Variants in ASB3 observed in about 807,000 individuals in gnomAD.
ASB3 encodes ankyrin repeat and SOCS box protein 3.
In ASB3, 41 loss-of-function variants were observed where a neutral mutation model predicts 54.5. The observed-to-expected ratio is 0.75, with a 90% CI of 0.59 to 0.98. The LOEUF (loss-of-function observed/expected upper bound fraction) is 0.98. Ranked by LOEUF, ASB3 falls within the 50% of genes least tolerant of loss-of-function variation. The probability of loss-of-function intolerance (pLI) is 0.00; values close to 1 mark genes in which losing one functional copy is unlikely to be tolerated. For synonymous variants in ASB3, 266 were observed against 221.2 expected, an observed-to-expected ratio of 1.20 and a Z score of -1.80; for missense variants, 733 against 620.0, an observed-to-expected ratio of 1.18 and a Z score of -1.94.
At chr2:53,785,049 C>A (rs1007999832) in intron 1 of ASB3, among the ~76,000 whole-genome samples, 6 of 152,248 alleles carry the variant, frequency 3.9e-5, no homozygotes, top group Non-Finnish European at 7.3e-5. Context: ...TTCTTTCTAT[C>A]ACTCCAACAC....
At chr2:53,717,504 CAAT>C (rs775403854) in intron 5 of ASB3, among the ~76,000 whole-genome samples, 12 of 151,510 alleles carry the variant, frequency 7.9e-5, no homozygotes, top group Non-Finnish European at 1.6e-4. Flanking sequence ...AAGGGAAAAA[CAAT>C]AATATTATAG....
chr2:53,722,294 AAGG>A (rs1253049975), intron 5 of ASB3, among the ~76,000 whole-genome samples: 2 of 152,128 alleles, frequency 1.3e-5, no homozygotes, highest in African/African-American at 4.8e-5. Flanking sequence ...CCCAAAAATC[AAGG>A]AGGAGAGACT....
intron 5 of ASB3, among the ~76,000 whole-genome samples, chr2:53,717,658 G>A (rs914126083): frequency 2.6e-5 from 4 of 152,116 alleles, no homozygotes; most frequent in Admixed American, 6.6e-5. Context: ...ACCACTGAAG[G>A]ATCACAGTCG....
intron 1 of ASB3, among the ~76,000 whole-genome samples, chr2:53,783,773 G>A (rs529063115): frequency 3.0e-4 from 46 of 152,262 alleles, no homozygotes; most frequent in Non-Finnish European, 5.4e-4. Flanking sequence ...GCAAGGTAAA[G>A]GCATTTTCAG....
At position 53,686,769 on chromosome 2, in the gene ASB3, T is replaced by G. The variant is rs1406422515; in HGVS notation, c.1369+7115A>C. ...TTCATTCTTGTTGCCCGGGCTGGAG[T>G]GCAATGGCACAATCTCGGCTCACTG... On this transcript the variant is annotated intron_variant, in intron 9 of 9. Transcript: ENST00000263634. Among the ~76,000 whole-genome samples, 3 of 152,102 alleles carry G rather than the reference T, an allele frequency of 2.0e-5. No homozygotes were observed. In the East Asian group the frequency reaches 5.8e-4, roughly 29 times the overall value.
intron 1 of ASB3, among the ~76,000 whole-genome samples, chr2:53,780,791 A>T (rs1674602146): frequency 6.6e-6 from 1 of 152,186 alleles, no homozygotes; most frequent in African/African-American, 2.4e-5. Flanking sequence ...AACTAATAAC[A>T]AATAAATAAA....
chr2:53,716,308 T>C (rs574420216), intron 6 of ASB3, among the ~76,000 whole-genome samples: 5 of 151,904 alleles, frequency 3.3e-5, no homozygotes, highest in Admixed American at 1.3e-4. Context: ...GAGAAATCAA[T>C]GGGAAGAGTC....
intron 9 of ASB3, among the ~76,000 whole-genome samples, chr2:53,690,258 T>A (rs1377868763): frequency 3.3e-5 from 5 of 151,806 alleles, no homozygotes; most frequent in African/African-American, 1.2e-4. Flanking sequence ...AATAAATTAA[T>A]TAATTAATTA....
At chr2:53,771,954 A>T (rs1175650356) in intron 1 of ASB3, 1 of 1,442,530 alleles carries the variant, frequency 6.9e-7, no homozygotes, top group East Asian at 2.4e-5. Context: ...TATGGTATAA[A>T]TATTCTTTTT....
At chr2:53,744,481 C>G (rs1399437487) in intron 3 of ASB3, among the ~76,000 whole-genome samples, 1 of 151,440 alleles carries the variant, frequency 6.6e-6, no homozygotes, top group Non-Finnish European at 1.5e-5. Context: ...AAAAGTAAAA[C>G]CAGAACATGA....
rs567187314 is a variant in ASB3, at chr2:53,691,116, T to C, written c.1369+2768A>G. Among the ~76,000 whole-genome samples the C allele has an allele frequency of 2.9e-4, 44 of 152,330 alleles. 1 individual carries two copies. The South Asian group carries it at 3.9e-3, about 14-fold the overall frequency. On this transcript the variant is annotated intron_variant, in intron 9 of 9. Transcript: ENST00000263634. ...GAAACTGCAACCACTCACTAAATTTTACCTGGTATACATTTCCTTTCTGAT... is the reference window on the plus strand; with the variant it reads ...GAAACTGCAACCACTCACTAAATTTCACCTGGTATACATTTCCTTTCTGAT...
chr2:53,691,767 C>G lies in ASB3; in HGVS notation c.1369+2117G>C, dbSNP rs1474829655. Among the ~76,000 whole-genome samples the G allele has an allele frequency of 2.6e-5, 4 of 152,118 alleles. No homozygotes were observed. In the East Asian group the frequency reaches 7.7e-4, roughly 29 times the overall value. ...AGAGAGTCACAATCCCATCTGAAAG[C>G]CAGGCAACTAAGTTTTTCTCCCAGT... On this transcript the variant is annotated intron_variant, in intron 9 of 9. Transcript: ENST00000263634.
chr2:53,693,875 C>A lies in ASB3; in HGVS notation c.1369+9G>T. ...TAGTGAAGTGTGTTTAAAAGTTATTCTTTCTTACCAATATGTTGCTGTAGA... is the reference window on the plus strand; with the variant it reads ...TAGTGAAGTGTGTTTAAAAGTTATTATTTCTTACCAATATGTTGCTGTAGA... On this transcript the variant is annotated intron_variant, in intron 9 of 9. Transcript: ENST00000263634. The A allele has an allele frequency of 9.9e-6, 16 of 1,611,904 alleles. No individual in the cohort carries two copies. The highest frequency in any genetic ancestry group is 1.4e-5 in the Non-Finnish European group (16 of 1,178,808).
At chr2:53,752,306 G>C (rs982705032) in intron 2 of ASB3, among the ~76,000 whole-genome samples, 1 of 152,128 alleles carries the variant, frequency 6.6e-6, no homozygotes, top group Non-Finnish European at 1.5e-5. Context: ...GTCACCACCA[G>C]GACAAATTAG....
At chr2:53,721,736 C>G (rs1321998501) in intron 5 of ASB3, among the ~76,000 whole-genome samples, 1 of 151,892 alleles carries the variant, frequency 6.6e-6, no homozygotes, top group African/African-American at 2.4e-5. Flanking sequence ...ACATCTAGCT[C>G]AGAAAGAAAG....
chr2:53,702,934 G>A (rs756422413), intron 7 of ASB3, among the ~76,000 whole-genome samples: 6 of 152,148 alleles, frequency 3.9e-5, no homozygotes, highest in South Asian at 2.1e-4. Context: ...AATGGCTTTC[G>A]ACCATTAGCT....
At chr2:53,743,875 G>A (rs768905665) in intron 3 of ASB3, among the ~76,000 whole-genome samples, 8 of 151,198 alleles carry the variant, frequency 5.3e-5, no homozygotes, top group African/African-American at 9.7e-5. Context: ...AAACCTCATC[G>A]CCACTAAATG....
At chr2:53,753,864 C>T (rs1029893848) in intron 2 of ASB3, among the ~76,000 whole-genome samples, 2 of 151,980 alleles carry the variant, frequency 1.3e-5, no homozygotes, top group African/African-American at 4.8e-5. Flanking sequence ...TGGTCTCAAA[C>T]TCCTGGCCTC....
chr2:53,749,640 T>A (rs1269414611), intron 3 of ASB3, among the ~76,000 whole-genome samples: 2 of 152,042 alleles, frequency 1.3e-5, no homozygotes, highest in African/African-American at 4.8e-5. Context: ...AAGAAATGGA[T>A]TATTGATACA....
Sources: gnomAD v4.1 joint callset for allele counts (sites outside exome capture counted in the v4.1 genomes callset) on GRCh38, gnomAD v4.1.1 for gene constraint, MANE v1.5 for transcripts, NCBI Gene and HGNC (gene_info 2026-07-23, HGNC 2026-07-21) for gene names.